The following SLC25A48 variants were observed in gnomAD, a reference collection of about 807,000 sequenced individuals.
SLC25A48 encodes the protein solute carrier family 25 member 48.
Under a neutral mutation model 32.2 loss-of-function variants are expected in SLC25A48, and 29 were observed. The ratio of observed to expected loss-of-function variants is 0.90; its 90% confidence interval spans 0.67 to 1.23. The LOEUF (loss-of-function observed/expected upper bound fraction) is 1.23, where lower values mean the gene tolerates loss of function less well. SLC25A48 is among the 50% of genes most tolerant of loss of function. The pLI is 0.00. For missense variants in SLC25A48, 399 were observed against 422.7 expected, an observed-to-expected ratio of 0.94 and a Z score of 0.49; for synonymous variants, 164 against 172.3, an observed-to-expected ratio of 0.95 and a Z score of 0.38.
rs530518978 is a variant in SLC25A48 at position 135,742,437 on chromosome 5, G to A, written c.-520-70086G>A. ...CCTCAGATAGAATGAACATCTCCCA[G>A]TGGTTCCTGAGGTCTCACCTGTGTG... On this transcript the variant is annotated intron_variant, in intron 3 of 10. Transcript: ENST00000646290. 4 of 1,483,522 alleles carry A rather than the reference G, an allele frequency of 2.7e-6. No individual in the cohort carries two copies. In the African/African-American group the frequency reaches 4.3e-5, roughly 16 times the overall value. 91.9% of individuals were successfully genotyped at this position (1,483,522 alleles called of 1,614,324 possible).
At chr5:135,776,502 AG>A (rs965886964) in intron 3 of SLC25A48, among the ~76,000 whole-genome samples, 1 of 151,920 alleles carries the variant, frequency 6.6e-6, no homozygotes, top group Non-Finnish European at 1.5e-5. Flanking sequence ...CCTAATATCC[AG>A]GGGGGAAGAA....
chr5:135,866,281 C>T (rs1057110717), intron 4 of SLC25A48, among the ~76,000 whole-genome samples: 7 of 152,266 alleles, frequency 4.6e-5, no homozygotes, highest in Non-Finnish European at 1.0e-4. Flanking sequence ...CTCCTGAGGG[C>T]CAGCCCTGCT....
At chr5:135,656,854 C>T (rs1442648983) in intron 3 of SLC25A48, among the ~76,000 whole-genome samples, 1 of 152,274 alleles carries the variant, frequency 6.6e-6, no homozygotes, top group African/African-American at 2.4e-5. Flanking sequence ...GGAAGAATGC[C>T]CCACATGTTT....
intron 1 of SLC25A48, chr5:135,835,296 G>A (rs1040450953): frequency 1.9e-5 from 8 of 430,504 alleles, no homozygotes; most frequent in African/African-American, 1.2e-4. Context: ...TGCTGATCCC[G>A]GGGCGCAGGG....
At chr5:135,586,515 A>C (rs1751369156) in intron 1 of SLC25A48, among the ~76,000 whole-genome samples, 1 of 117,516 alleles carries the variant, frequency 8.5e-6, no homozygotes, top group South Asian at 2.7e-4. Context: ...AGTCTTCTGC[A>C]GTGATCTCAG....
intron 3 of SLC25A48, among the ~76,000 whole-genome samples, chr5:135,737,957 A>G (rs1036692717): frequency 1.3e-5 from 2 of 152,174 alleles, no homozygotes; most frequent in Non-Finnish European, 2.9e-5. Context: ...AGCTCAGCAG[A>G]GCGACATCAT....
chr5:135,640,914 A>G (rs1006143817), intron 3 of SLC25A48, among the ~76,000 whole-genome samples: 4 of 152,138 alleles, frequency 2.6e-5, no homozygotes, highest in Non-Finnish European at 5.9e-5. Context: ...AAGACTGAAC[A>G]TTTTTCCCCT....
intron 3 of SLC25A48, among the ~76,000 whole-genome samples, chr5:135,711,251 C>G (rs916256324): frequency 6.6e-6 from 1 of 152,204 alleles, no homozygotes; most frequent in African/African-American, 2.4e-5. Context: ...TTGATTAATG[C>G]ATCACACAAG....
In SLC25A48 at chr5:135,637,878, C is replaced by G. The variant is rs573408001; in HGVS notation, c.-521+2922C>G. On this transcript the variant is annotated intron_variant, in intron 3 of 10. Transcript: ENST00000646290. The stretch of plus-strand genomic sequence containing the variant: ...TGTTGTTGTTGTTGTTGTTGTAGCT[C>G]AAGTACTTTGATTCCTGGCATCAGA... Among the ~76,000 whole-genome samples the G allele has an allele frequency of 2.2e-4, 34 of 152,198 alleles. No individual in the cohort carries two copies. In the South Asian group the frequency reaches 6.6e-3, roughly 30 times the overall value.
At position 135,716,171 on chromosome 5, in the gene SLC25A48, G is replaced by T. The variant is rs146127488; in HGVS notation, c.-521+81215G>T. Among the ~76,000 whole-genome samples the T allele has an allele frequency of 2.4e-4, 37 of 152,244 alleles. 1 individual carries two copies. The East Asian group carries it at 5.4e-3, about 22-fold the overall frequency. ...GAACTATCCTCCTTTCCTCAAGATG[G>T]AGGCTGCTTCCTACAGGAAAAAGTG... On this transcript the variant is annotated intron_variant, in intron 3 of 10. Coordinates refer to the SLC25A48 transcript ENST00000646290.
chr5:135,668,949 C>T (rs1273730959), intron 3 of SLC25A48, among the ~76,000 whole-genome samples: 2 of 152,114 alleles, frequency 1.3e-5, no homozygotes, highest in African/African-American at 4.8e-5. Flanking sequence ...GATGTCATAG[C>T]TCAGTGAGGG....
chr5:135,618,113 T>C (rs981794539), intron 1 of SLC25A48, among the ~76,000 whole-genome samples: 5 of 151,102 alleles, frequency 3.3e-5, no homozygotes, highest in Admixed American at 2.6e-4. Flanking sequence ...TGAGTGGATA[T>C]ATATTTAGAA....
chr5:135,836,969 C>CT (rs1758569002), intron 1 of SLC25A48, among the ~76,000 whole-genome samples: 1 of 21,306 alleles, frequency 4.7e-5, no homozygotes, highest in African/African-American at 1.0e-4. Context: ...TCCCCCCCCC[C>CT]ACCCCCCCCC....
intron 3 of SLC25A48, among the ~76,000 whole-genome samples, chr5:135,687,142 C>T (rs755727640): frequency 4.6e-5 from 7 of 152,016 alleles, no homozygotes; most frequent in Non-Finnish European, 8.8e-5. Context: ...TGAGTGGGAA[C>T]CAGGGAGACT....
At chr5:135,850,343 G>A (rs2126730544) in intron 2 of SLC25A48, 82 bp from the exon 3 acceptor site, 2 of 1,411,016 alleles carry the variant, frequency 1.4e-6, no homozygotes, top group East Asian at 4.6e-5. Flanking sequence ...CTATGAGCAG[G>A]GCCTTTCCCT....
chr5:135,716,484 A>T (rs1754800380), intron 3 of SLC25A48, among the ~76,000 whole-genome samples: 1 of 152,118 alleles, frequency 6.6e-6, no homozygotes, highest in South Asian at 2.1e-4. Context: ...GGGTAGATAA[A>T]TCTCCTCAGA....
chr5:135,724,019 C>G (rs1280046145), intron 3 of SLC25A48, among the ~76,000 whole-genome samples: 1 of 152,200 alleles, frequency 6.6e-6, no homozygotes, highest in Non-Finnish European at 1.5e-5. Flanking sequence ...TCTTTGTTTT[C>G]TAAGGAGGCT....
intron 6 of SLC25A48, chr5:135,875,560 A>G (rs1581052569): frequency 6.6e-6 from 1 of 152,362 alleles, no homozygotes; most frequent in East Asian, 1.9e-4. Context: ...TCTGTAGAGG[A>G]TGGGGCAATC....
intron 3 of SLC25A48, chr5:135,653,838 C>T (rs1753175692): frequency 4.4e-6 from 2 of 456,158 alleles, no homozygotes; most frequent in African/African-American, 2.0e-5. Context: ...TTATGGGATC[C>T]AACCTCCAGG....
Sources: allele counts gnomAD v4.1 joint callset (sites outside exome capture counted in the v4.1 genomes callset), GRCh38; gene constraint gnomAD v4.1.1; transcripts MANE v1.5; gene names NCBI Gene and HGNC (gene_info 2026-07-23, HGNC 2026-07-21).